Variants in CACNA2D1 observed in about 807,000 individuals in gnomAD.
The protein encoded by CACNA2D1 is voltage-dependent calcium channel subunit alpha-2/delta-1.
CACNA2D1 carries 53 observed loss-of-function variants against 171.5 expected under a neutral mutation model. The observed-to-expected ratio is 0.31, with a 90% CI of 0.25 to 0.39. The LOEUF (loss-of-function observed/expected upper bound fraction) is 0.39, where lower values mean the gene tolerates loss of function less well. CACNA2D1 is among the 10% of genes least tolerant of loss of function. The pLI is 1.00. For missense variants in CACNA2D1, 903 were observed against 1,299.8 expected, an observed-to-expected ratio of 0.69 and a Z score of 4.69; for synonymous variants, 442 against 443.1, an observed-to-expected ratio of 1.00 and a Z score of 0.03.
At chr7:82,320,371 T>C (rs1815659860) in intron 3 of CACNA2D1, among the ~76,000 whole-genome samples, 1 of 152,092 alleles carries the variant, frequency 6.6e-6, no homozygotes. Context: ...GAATTAAAGA[T>C]TTCTATTTTG....
At chr7:82,103,407 G>C (rs1158749570) in intron 6 of CACNA2D1, among the ~76,000 whole-genome samples, 1 of 152,146 alleles carries the variant, frequency 6.6e-6, no homozygotes, top group Non-Finnish European at 1.5e-5. Flanking sequence ...GAGGAGAAAA[G>C]ATTATGTGTT....
Position 82,399,957 on chromosome 7 carries a change from C to T in CACNA2D1, c.95+43408G>A, listed in dbSNP as rs73384099. Among the ~76,000 whole-genome samples, 785 of 152,214 alleles carry T rather than the reference C, an allele frequency of 5.2e-3. 7 individuals carry two copies. The highest frequency in any genetic ancestry group is 0.018 in the African/African-American group (750 of 41,524). ...AGCCAAATTTGTTTAGCACCTACCA[C>T]AGGCAAGCTACTCCATTAGGCATTA... On this transcript the variant is annotated intron_variant, in intron 1 of 38. Transcript: ENST00000356860.
At chr7:82,419,435 C>T (rs930443569) in intron 1 of CACNA2D1, among the ~76,000 whole-genome samples, 9 of 152,064 alleles carry the variant, frequency 5.9e-5, no homozygotes, top group Admixed American at 2.0e-4. Flanking sequence ...GCCTAATTTC[C>T]GCTCCAGACC....
chr7:82,109,513 A>G (rs931015199), intron 6 of CACNA2D1, among the ~76,000 whole-genome samples: 3 of 152,194 alleles, frequency 2.0e-5, no homozygotes, highest in African/African-American at 7.2e-5. Flanking sequence ...CAGCAATTTT[A>G]ACAAGAATGA....
chr7:82,075,643 C>A (rs1808872973), intron 7 of CACNA2D1, among the ~76,000 whole-genome samples: 1 of 152,140 alleles, frequency 6.6e-6, no homozygotes, highest in African/African-American at 2.4e-5. Context: ...TCTACAGGAA[C>A]AAGTTTCCTA....
chr7:81,991,699 C>T (rs917195438), intron 20 of CACNA2D1, among the ~76,000 whole-genome samples: 2 of 152,126 alleles, frequency 1.3e-5, no homozygotes, highest in African/African-American at 2.4e-5. Flanking sequence ...TCATAAGAGG[C>T]TACTCAGTAT....
intron 5 of CACNA2D1, among the ~76,000 whole-genome samples, chr7:82,128,688 C>G (rs1049595579): frequency 6.6e-6 from 1 of 152,124 alleles, no homozygotes; most frequent in Non-Finnish European, 1.5e-5. Flanking sequence ...CACGAAAGAA[C>G]AGTAGAAATC....
chr7:81,992,030 AG>A (rs1390190893), intron 20 of CACNA2D1, among the ~76,000 whole-genome samples: 1 of 148,830 alleles, frequency 6.7e-6, no homozygotes, highest in Non-Finnish European at 1.5e-5. Context: ...TTTTTAGTAG[AG>A]ACGGGGTTTC....
At chr7:82,154,962 C>T (rs1719467163) in intron 4 of CACNA2D1, among the ~76,000 whole-genome samples, 1 of 152,074 alleles carries the variant, frequency 6.6e-6, no homozygotes, top group Admixed American at 6.6e-5. Context: ...GGGGCAGTTT[C>T]TTATGAATGG....
Position 81,961,924 on chromosome 7 carries a change from C to A in CACNA2D1, c.2936G>T (p.Ser979Ile). Residue 979 changes from serine (S) to isoleucine (I), a missense_variant, in exon 36 of 39, where the codon AGT (serine) becomes ATT (isoleucine). Physicochemically the swap from Ser to Ile is moderately radical, Grantham distance 142. Transcript: ENST00000356860. The stretch of plus-strand genomic sequence containing the variant: ...ACAGTTTCCACAGTCTAATACACCA[C>A]TGAATGATTTACTGTCGTTATCGAA... ...YFFDNDSKSF[S>I]GVLDCGNCSR... 6.2e-7 allele frequency: 1 copy of A among 1,610,712 alleles called. No homozygotes were observed. Among genetic ancestry groups the A allele is most frequent in the Non-Finnish European group, 8.5e-7 (1 of 1,177,356 alleles).
At chr7:82,174,995 G>A (rs571474258) in intron 3 of CACNA2D1, among the ~76,000 whole-genome samples, 1 of 151,828 alleles carries the variant, frequency 6.6e-6, no homozygotes, top group South Asian at 2.1e-4. Flanking sequence ...TTCTATAAAA[G>A]CAGTATTATA....
chr7:82,058,200 ATT>A (rs1191824186), intron 10 of CACNA2D1, among the ~76,000 whole-genome samples: 2 of 152,124 alleles, frequency 1.3e-5, no homozygotes, highest in Non-Finnish European at 2.9e-5. Context: ...AGATTCTGTC[ATT>A]GTTTCCTTCC....
At chr7:82,297,879 C>A (rs1812493629) in intron 3 of CACNA2D1, among the ~76,000 whole-genome samples, 1 of 152,046 alleles carries the variant, frequency 6.6e-6, no homozygotes, top group South Asian at 2.1e-4. Flanking sequence ...TAAGTTTCCT[C>A]AATTATTTTC....
At chr7:82,412,977 C>T (rs1827830318) in intron 1 of CACNA2D1, among the ~76,000 whole-genome samples, 1 of 151,918 alleles carries the variant, frequency 6.6e-6, no homozygotes, top group South Asian at 2.1e-4. Context: ...TAAGCATTAA[C>T]AGTTTGTTAA....
chr7:82,386,531 G>A (rs1310752318), intron 1 of CACNA2D1, among the ~76,000 whole-genome samples: 2 of 151,968 alleles, frequency 1.3e-5, no homozygotes, highest in Admixed American at 6.6e-5. Context: ...TCGGGAGTTC[G>A]AGACCAGCCT....
intron 3 of CACNA2D1, among the ~76,000 whole-genome samples, chr7:82,239,802 C>T (rs896570629): frequency 3.3e-5 from 5 of 152,038 alleles, no homozygotes; most frequent in African/African-American, 1.2e-4. Context: ...CATTGGAGGT[C>T]ATTACCCTAT....
intron 3 of CACNA2D1, among the ~76,000 whole-genome samples, chr7:82,181,762 G>A (rs1209075972): frequency 6.6e-6 from 1 of 152,198 alleles, no homozygotes; most frequent in East Asian, 1.9e-4. Context: ...TACCCATTCA[G>A]AAATTTAATT....
intron 3 of CACNA2D1, among the ~76,000 whole-genome samples, chr7:82,263,703 G>C (rs184403116): frequency 6.6e-6 from 1 of 152,058 alleles, no homozygotes; most frequent in East Asian, 1.9e-4. Flanking sequence ...GTTTTGTTTT[G>C]GTACCATCTG....
At chr7:82,258,792 ATTTC>A (rs921836373) in intron 3 of CACNA2D1, among the ~76,000 whole-genome samples, 9 of 100,772 alleles carry the variant, frequency 8.9e-5, no homozygotes, top group East Asian at 2.4e-4. Context: ...GAAGGTTAAA[ATTTC>A]TTTCTTTCTT....
Sources: allele counts gnomAD v4.1 joint callset (sites outside exome capture counted in the v4.1 genomes callset), GRCh38; gene constraint gnomAD v4.1.1; transcripts MANE v1.5; gene names NCBI Gene and HGNC (gene_info 2026-07-23, HGNC 2026-07-21).